Variants in CUX2 observed in about 807,000 individuals in gnomAD.
The protein encoded by CUX2 is homeobox protein cut-like 2.
CUX2 carries 40 observed loss-of-function variants against 144.8 expected under a neutral mutation model. The observed-to-expected ratio is 0.28, with a 90% CI of 0.21 to 0.36. The LOEUF is 0.36. CUX2 is among the 10% of genes least tolerant of loss of function. The pLI, the probability that CUX2 is intolerant of heterozygous loss-of-function variation, is 1.00. For missense variants in CUX2, 1,615 were observed against 1,994.0 expected (o/e 0.81, Z 3.62); for synonymous variants, 827 against 875.6 (o/e 0.94, Z 0.98).
At chr12:111,262,130 T>A (rs1222795003) in intron 3 of CUX2, among the ~76,000 whole-genome samples, 1 of 152,152 alleles carries the variant, frequency 6.6e-6, no homozygotes, top group Non-Finnish European at 1.5e-5. Context: ...TTAGCACTTG[T>A]AATTAATGAG....
chr12:111,163,027 CAG>C (rs1254901140), intron 1 of CUX2, among the ~76,000 whole-genome samples: 1 of 143,652 alleles, frequency 7.0e-6, no homozygotes, highest in Non-Finnish European at 1.5e-5. Context: ...GCCTGGGTAA[CAG>C]AGCAAGACTC....
chr12:111,330,724 T>TAC (rs1267309535), intron 18 of CUX2, among the ~76,000 whole-genome samples: 15 of 51,324 alleles, frequency 2.9e-4, no homozygotes, highest in African/African-American at 1.5e-3. Flanking sequence ...TATATATATA[T>TAC]ATATATATAT....
chr12:111,173,909 G>A (rs572480188), intron 1 of CUX2, among the ~76,000 whole-genome samples: 12 of 152,216 alleles, frequency 7.9e-5, no homozygotes, highest in African/African-American at 1.2e-4. Context: ...ACTGGGCAAA[G>A]AATTGGGAGG....
At chr12:111,306,826 A>G in intron 10 of CUX2, 95 bp from the exon 11 acceptor site, 1 of 1,033,654 alleles carries the variant, frequency 9.7e-7, no homozygotes, top group South Asian at 1.6e-5. Context: ...AGATCAACAA[A>G]TTTGCATTCT....
rs545544666 is a variant in CUX2, at chr12:111,273,698, G to A, written c.301+9859G>A. 1.4e-4 allele frequency among the ~76,000 whole-genome samples: 21 copies of A among 152,282 alleles called. No homozygotes were observed. The South Asian group carries it at 4.3e-3, about 32-fold the overall frequency. The stretch of plus-strand genomic sequence containing the variant: ...ACAGCTCCCAACCTGGCAAGTGGAG[G>A]AAGAAAGGAGCAAGACTCCAGGTTG... On this transcript the variant is annotated intron_variant, in intron 4 of 21. Transcript: ENST00000261726.
In CUX2 at chr12:111,349,248, G is replaced by A. The variant is rs934073623; in HGVS notation, c.*923G>A. The A allele has an allele frequency of 8.5e-5, 13 of 152,178 alleles. No homozygotes were observed. Among genetic ancestry groups the A allele is most frequent in the Admixed American group, 2.6e-4 (4 of 15,256 alleles). The allele number at this position is 152,178 out of a possible 1,614,324, so 9.4% of individuals were successfully genotyped here. On this transcript the variant is annotated 3_prime_UTR_variant, in exon 22 of 22. Transcript: ENST00000261726. Reference sequence around the variant, plus strand: ...ATGGGGCAGGTGCTTGGAGAGTGGCGTTTGAGCCAGAGCGACCCCATTTCC... The same window carrying A: ...ATGGGGCAGGTGCTTGGAGAGTGGCATTTGAGCCAGAGCGACCCCATTTCC...
Position 111,348,281 on chromosome 12 carries a change from G to C in CUX2, c.4417G>C (p.Glu1473Gln). The C allele has an allele frequency of 6.2e-7, 1 of 1,613,356 alleles. No individual in the cohort carries two copies. Among genetic ancestry groups the C allele is most frequent in the Non-Finnish European group, 8.5e-7 (1 of 1,179,884 alleles). Reference sequence around the variant, plus strand: ...TCTGAACAACATCATTTACCGAGTAGAGCGGGCTGCCAATCGGGAGGAGGC... The same window carrying C: ...TCTGAACAACATCATTTACCGAGTACAGCGGGCTGCCAATCGGGAGGAGGC... ...ANLNNIIYRV[E>Q]RAANREEALE... The change falls in exon 22 of 22, where the codon GAG becomes CAG. Residue 1473 changes from glutamate to glutamine, a missense_variant. Around this residue, in one of 12 missense-constraint regions of CUX2, gnomAD observed 298 missense variants for 330.4 expected, o/e 0.90. Coordinates refer to ENST00000261726, the MANE Select transcript of CUX2 (RefSeq NM_015267.4).
At chr12:111,280,799 A>G (rs967272448) in intron 4 of CUX2, among the ~76,000 whole-genome samples, 1 of 152,042 alleles carries the variant, frequency 6.6e-6, no homozygotes, top group Non-Finnish European at 1.5e-5. Context: ...GACTCCAATC[A>G]TTGCATTAGA....
intron 1 of CUX2, among the ~76,000 whole-genome samples, chr12:111,187,078 A>G (rs1218552979): frequency 6.6e-6 from 1 of 152,160 alleles, no homozygotes; most frequent in Non-Finnish European, 1.5e-5. Context: ...TGTGCCTGGC[A>G]GCATGATGTA....
At chr12:111,036,571 G>T (rs1869458056) in intron 1 of CUX2, among the ~76,000 whole-genome samples, 1 of 151,880 alleles carries the variant, frequency 6.6e-6, no homozygotes, top group African/African-American at 2.4e-5. Context: ...TGGTGGAGGG[G>T]TTTGTTCAGG....
chr12:111,134,524 C>T (rs1875711213), intron 1 of CUX2, among the ~76,000 whole-genome samples: 1 of 152,098 alleles, frequency 6.6e-6, no homozygotes, highest in Non-Finnish European at 1.5e-5. Flanking sequence ...AATTCTGTTC[C>T]TCTCTAACCA....
At chr12:111,099,786 C>T in intron 1 of CUX2, 1 of 428,648 alleles carries the variant, frequency 2.3e-6, no homozygotes, top group Non-Finnish European at 4.7e-6. Flanking sequence ...GGGTCAGTGC[C>T]CATCATTCAG....
At chr12:111,080,072 T>A (rs1428714120) in intron 1 of CUX2, among the ~76,000 whole-genome samples, 1 of 152,226 alleles carries the variant, frequency 6.6e-6, no homozygotes, top group African/African-American at 2.4e-5. Context: ...GGGATGATGA[T>A]AATATCTGGC....
At chr12:111,200,523 G>A (rs1020511216) in intron 1 of CUX2, among the ~76,000 whole-genome samples, 1 of 152,030 alleles carries the variant, frequency 6.6e-6, no homozygotes, top group African/African-American at 2.4e-5. Context: ...GTGCTGGGGG[G>A]AGGCTAGGAT....
chr12:111,320,920 A>G lies in CUX2; in HGVS notation c.2766+145A>G. 1.1e-6 allele frequency: 1 copy of G among 915,542 alleles called. No individual in the cohort carries two copies. Among genetic ancestry groups the G allele is most frequent in the East Asian group, 3.2e-5 (1 of 31,404 alleles). 56.7% of individuals were successfully genotyped at this position (915,542 alleles called of 1,614,324 possible). On this transcript the variant is annotated intron_variant, in intron 17 of 21. Coordinates refer to ENST00000261726, the MANE Select transcript of CUX2 (RefSeq NM_015267.4). This position sits in a 1 kb window ranked among gnomAD's most constrained non-coding sequence, Gnocchi z 8.1. ...GCTGTCCCTGGGTCCCGCAGGAAGG[A>G]GGGCCACTGTTCTGCTCCGTGGTTG...
intron 1 of CUX2, among the ~76,000 whole-genome samples, chr12:111,132,175 C>G (rs939988359): frequency 6.6e-6 from 1 of 152,216 alleles, no homozygotes; most frequent in Non-Finnish European, 1.5e-5. Context: ...GCTCAACACC[C>G]TGTGGAAGCT....
intron 9 of CUX2, among the ~76,000 whole-genome samples, chr12:111,299,499 G>A (rs1886179183): frequency 1.3e-5 from 2 of 152,126 alleles, no homozygotes; most frequent in South Asian, 4.1e-4. Flanking sequence ...GTGCAGGCCT[G>A]GGCTGGAAGT....
chr12:111,077,277 T>C lies in CUX2; in HGVS notation c.63+43037T>C, dbSNP rs1402068777. ...TTGGGGAGTTGAAAGAGGCCTTTCCTTGAAACGCGCAGCCGTGTGGCAGGG... is the reference window on the plus strand; with the variant it reads ...TTGGGGAGTTGAAAGAGGCCTTTCCCTGAAACGCGCAGCCGTGTGGCAGGG... On this transcript the variant is annotated intron_variant, in intron 1 of 21. Transcript: ENST00000261726. This position sits in a 1 kb window ranked among gnomAD's most constrained non-coding sequence, Gnocchi z 4.1. 1.3e-5 allele frequency among the ~76,000 whole-genome samples: 2 copies of C among 152,202 alleles called. No individual in the cohort carries two copies. The highest frequency in any genetic ancestry group is 2.9e-5 in the Non-Finnish European group (2 of 68,030).
chr12:111,330,710 T>TAC (rs1257830853), intron 18 of CUX2, among the ~76,000 whole-genome samples: 313 of 23,824 alleles, frequency 0.013, 33 homozygotes, highest in African/African-American at 0.048. Flanking sequence ...TATATATATA[T>TAC]ATATATATAT....
Sources: gnomAD v4.1 joint callset for allele counts (sites outside exome capture counted in the v4.1 genomes callset) on GRCh38, gnomAD v4.1.1 for gene constraint, gnomAD v4.1.1 regional missense constraint, Gnocchi (gnomAD v3.1) non-coding constraint, MANE v1.5 for transcripts, NCBI Gene and HGNC (gene_info 2026-07-23, HGNC 2026-07-21) for gene names.